The following COL4A3 variants were observed in gnomAD, a reference collection of about 807,000 sequenced individuals.
COL4A3 encodes the protein collagen type IV alpha 3 chain, also known as collagen alpha-3(IV) chain.
In COL4A3, 135 loss-of-function variants were observed where a neutral mutation model predicts 217.4. That is an observed-to-expected ratio of 0.62 (90% CI 0.54 to 0.72). The LOEUF is 0.72. Among genes scored for constraint, COL4A3 ranks in the 30% least tolerant of loss-of-function variants. The probability of loss-of-function intolerance (pLI) is 0.00; values close to 1 mark genes in which losing one functional copy is unlikely to be tolerated. For synonymous variants in COL4A3, 690 were observed against 736.3 expected, an observed-to-expected ratio of 0.94 and a Z score of 1.02; for missense variants, 1,868 against 2,119.9, an observed-to-expected ratio of 0.88 and a Z score of 2.33.
rs2069960677 is a variant in COL4A3, at chr2:227,253,878, A to C, written c.766-234A>C. On this transcript the variant is annotated intron_variant, in intron 13 of 51. Coordinates refer to ENST00000396578, the MANE Select transcript of COL4A3 (RefSeq NM_000091.5). The surrounding 1 kb of genome is among the most constrained non-coding windows in gnomAD (Gnocchi z 4.4). ...AACAGAGTGAGACTTCATTTAAAAA[A>C]AAAAACAACAAAAAAAAGATACTTA... Among the ~76,000 whole-genome samples, 1 of 152,160 alleles carries C rather than the reference A, an allele frequency of 6.6e-6. No homozygotes were observed. Among genetic ancestry groups the C allele is most frequent in the Non-Finnish European group, 1.5e-5 (1 of 68,048 alleles).
Position 227,253,614 on chromosome 2 carries a change from C to A in COL4A3, c.741C>A (p.Thr247=). Residue 247 remains threonine, a synonymous_variant, in exon 13 of 52, where the codon ACC becomes ACA. Transcript: ENST00000396578. The surrounding 1 kb of genome is among the most constrained non-coding windows in gnomAD (Gnocchi z 4.4). ...PPGPPGTVIV[T]LTGPDNRTDL... is the part of the protein sequence containing the mutation. ...GACCACCAGGAACAGTTATTGTGAC[C>A]CTAACTGGCCCAGATAACAGAACGG... is the stretch of plus-strand genomic sequence containing the variant. 6.2e-7 allele frequency: 1 copy of A among 1,613,962 alleles called. No homozygotes were observed.
At chr2:227,187,727 T>C (rs576819210) in intron 1 of COL4A3, among the ~76,000 whole-genome samples, 12 of 152,314 alleles carry the variant, frequency 7.9e-5, no homozygotes, top group Admixed American at 2.6e-4. Context: ...AACCAACGCA[T>C]GTATGTCCTA....
chr2:227,190,612 A>G (rs1282742051), intron 1 of COL4A3, among the ~76,000 whole-genome samples: 4 of 152,222 alleles, frequency 2.6e-5, no homozygotes, highest in African/African-American at 9.7e-5. Context: ...ATTATTTTCT[A>G]TTATAAAAGT....
At chr2:227,213,943 G>A (rs950773249) in intron 1 of COL4A3, among the ~76,000 whole-genome samples, 13 of 148,172 alleles carry the variant, frequency 8.8e-5, no homozygotes, top group Non-Finnish European at 1.5e-4. Context: ...AAAAAACACC[G>A]TACATATAAA....
chr2:227,196,866 G>A (rs1032494434), intron 1 of COL4A3, among the ~76,000 whole-genome samples: 4 of 151,972 alleles, frequency 2.6e-5, no homozygotes, highest in African/African-American at 9.7e-5. Context: ...TAGGTCATGT[G>A]GTTTGGATGT....
In COL4A3 at chr2:227,293,247, C is replaced by T; in HGVS notation, c.3267C>T (p.Gly1089=). The change falls in exon 38 of 52, where the codon GGC becomes GGT. Residue 1089 remains glycine, a synonymous_variant. Transcript: ENST00000396578. The part of the protein sequence containing the change: ...MGKKGEMGQP[G]PPGHLGPAGP... ...AGAAAGGAGAAATGGGGCAACCTGG[C>T]CCACCTGGACATTTGGGGCCTGCTG... 1 of 1,613,828 alleles carries T rather than the reference C, an allele frequency of 6.2e-7. No homozygotes were observed. Among genetic ancestry groups the T allele is most frequent in the Non-Finnish European group, 8.5e-7 (1 of 1,180,016 alleles).
intron 25 of COL4A3, 88 bp downstream of exon 25, chr2:227,271,040 C>A: frequency 7.8e-7 from 1 of 1,280,002 alleles, no homozygotes; most frequent in Non-Finnish European, 1.1e-6. Flanking sequence ...AATGGTTGGC[C>A]GCTCAGCACA....
intron 48 of COL4A3, 129 bp from the exon 49 acceptor site, chr2:227,308,770 G>A: frequency 1.0e-6 from 1 of 957,536 alleles, no homozygotes; most frequent in Non-Finnish European, 1.6e-6. Context: ...ACATTTTGCA[G>A]ATAACTCTTT....
At chr2:227,283,954 T>C in intron 33 of COL4A3, 98 bp downstream of exon 33, 2 of 1,143,074 alleles carry the variant, frequency 1.7e-6, no homozygotes, top group African/African-American at 3.0e-5. Flanking sequence ...GGAAAAATAG[T>C]TCTGAGAGAG....
chr2:227,230,618 A>C (rs926183529), intron 1 of COL4A3, among the ~76,000 whole-genome samples: 2 of 152,232 alleles, frequency 1.3e-5, no homozygotes, highest in African/African-American at 2.4e-5. Flanking sequence ...TGGGTCCAAC[A>C]ATGTAGATGG....
chr2:227,267,222 T>A, intron 23 of COL4A3, 134 bp downstream of exon 23: 1 of 721,846 alleles, frequency 1.4e-6, no homozygotes, highest in Middle Eastern at 2.3e-4. Context: ...CAAAAACATA[T>A]ATTCTATTAA....
chr2:227,258,964 A>G (rs1389501718), intron 18 of COL4A3, among the ~76,000 whole-genome samples: 3 of 151,970 alleles, frequency 2.0e-5, no homozygotes, highest in African/African-American at 4.8e-5. Flanking sequence ...AAATAAGTCA[A>G]CAAAGTAATT....
intron 1 of COL4A3, among the ~76,000 whole-genome samples, chr2:227,172,535 T>C (rs112431469): frequency 0.048 from 7,218 of 151,306 alleles, 216 homozygotes; most frequent in Admixed American, 0.084. Flanking sequence ...TCATCTTCTT[T>C]CTCTTCCTCT....
chr2:227,310,669 C>G, intron 50 of COL4A3, 107 bp from the exon 51 acceptor site: 1 of 890,560 alleles, frequency 1.1e-6, no homozygotes, highest in Non-Finnish European at 1.8e-6. Flanking sequence ...TCATTCCTCC[C>G]CTTTCTTTAC....
In COL4A3 at chr2:227,311,641, T is replaced by G. The variant is rs4455148; in HGVS notation, c.4929-145T>G. 685,201 of 685,218 alleles carry G rather than the reference T, an allele frequency of 1. 342,592 individuals carry two copies. Among genetic ancestry groups the G allele is most frequent in the Middle Eastern group, 1 (2,320 of 2,320 alleles). The allele number at this position is 685,218 out of a possible 1,614,324, so 42.4% of individuals were successfully genotyped here. ...TATCCTCCCACCTCAGCCTCCCAAA[T>G]TGCTGGGATTACAGGCGTGAGCCAC... On this transcript the variant is annotated intron_variant, in intron 51 of 51. Coordinates refer to ENST00000396578, the MANE Select transcript of COL4A3 (RefSeq NM_000091.5).
chr2:227,193,572 C>T (rs1252938201), intron 1 of COL4A3, among the ~76,000 whole-genome samples: 2 of 151,798 alleles, frequency 1.3e-5, no homozygotes, highest in South Asian at 2.1e-4. Context: ...ATTAGCCAGG[C>T]GTGGTTGTGC....
intron 26 of COL4A3, among the ~76,000 whole-genome samples, chr2:227,274,494 A>G (rs951179752): frequency 1.3e-5 from 2 of 148,466 alleles, no homozygotes; most frequent in African/African-American, 4.9e-5. Context: ...CTTACTTTGG[A>G]GCTGCTTTTT....
At chr2:227,203,112 T>C (rs1210439412) in intron 1 of COL4A3, among the ~76,000 whole-genome samples, 1 of 49,280 alleles carries the variant, frequency 2.0e-5, no homozygotes, top group African/African-American at 1.0e-4. Context: ...CATATATGTG[T>C]ATATATGTGT....
chr2:227,294,892 C>A, intron 39 of COL4A3, 72 bp from the exon 40 acceptor site: 2 of 1,181,678 alleles, frequency 1.7e-6, no homozygotes, highest in Non-Finnish European at 2.5e-6. Context: ...CCCATTAGGC[C>A]ACTGGCAAGA....
Sources: allele counts gnomAD v4.1 joint callset (sites outside exome capture counted in the v4.1 genomes callset), GRCh38; gene constraint gnomAD v4.1.1; non-coding constraint Gnocchi (gnomAD v3.1); transcripts MANE v1.5; gene names NCBI Gene and HGNC (gene_info 2026-07-23, HGNC 2026-07-21).